Variants in BCL6 observed in about 807,000 individuals in gnomAD.
BCL6 encodes BCL6 transcription repressor.
Under a neutral mutation model 59.5 loss-of-function variants are expected in BCL6, and 7 were observed. That is an observed-to-expected ratio of 0.12 (90% CI 0.07 to 0.22). The LOEUF is 0.22. Ranked by LOEUF, BCL6 falls within the 10% of genes least tolerant of loss-of-function variation. The pLI is 1.00. For missense variants in BCL6, 685 were observed against 939.4 expected, an observed-to-expected ratio of 0.73 and a Z score of 3.54; for synonymous variants, 339 against 349.7, an observed-to-expected ratio of 0.97 and a Z score of 0.34.
rs577335216 is a variant in BCL6, at chr3:187,722,775, G to A, written c.1978-174C>T. 2.2e-4 allele frequency among the ~76,000 whole-genome samples: 33 copies of A among 152,334 alleles called. 1 individual carries two copies. Among genetic ancestry groups the A allele is most frequent in the Admixed American group, 1.2e-3 (19 of 15,302 alleles). On this transcript the variant is annotated intron_variant, in intron 9 of 9. Transcript: ENST00000406870. ...GGCTTCTGCCGACAGATAAGCTAGCGTTGTGCAAATGTCCGTTCCCTGCTT... is the reference window on the plus strand; with the variant it reads ...GGCTTCTGCCGACAGATAAGCTAGCATTGTGCAAATGTCCGTTCCCTGCTT...
chr3:187,725,091 G>T lies in BCL6; in HGVS notation c.1840-13C>A. On this transcript the variant is annotated splice_polypyrimidine_tract_variant and intron_variant, in intron 8 of 9. Transcript: ENST00000406870. The surrounding 1 kb of genome is among the most constrained non-coding windows in gnomAD (Gnocchi z 4.7). ...GGAGGTGGGCCACCTGAACGAAGAA[G>T]AAGGCATGAGAGGTCTTCTGGGGTG... 1 of 1,613,736 alleles carries T rather than the reference G, an allele frequency of 6.2e-7. No individual in the cohort carries two copies. Among genetic ancestry groups the T allele is most frequent in the Non-Finnish European group, 8.5e-7 (1 of 1,180,022 alleles).
Position 187,728,498 on chromosome 3 carries a change from G to C in BCL6, c.1402C>G (p.Leu468Val). 1.2e-6 allele frequency: 2 copies of C among 1,611,252 alleles called. No homozygotes were observed. Among genetic ancestry groups the C allele is most frequent in the African/African-American group, 1.3e-5 (1 of 74,812 alleles). ...PRSSSESHSP[L>V]YMHPPKCTSC... is the part of the protein sequence containing the mutation. ...GTGCACTTCGGGGGGTGCATGTAGA[G>C]TGGTGAGTGGCTCTCGCTGCTGCTG... Residue 468 changes from leucine (L) to valine (V), a missense_variant, in exon 6 of 10, where the codon CTC becomes GTC. By Grantham distance (32) the Leu-to-Val change is conservative. Transcript: ENST00000406870.
intron 1 of BCL6, among the ~76,000 whole-genome samples, chr3:187,744,890 C>T (rs529555357): frequency 4.6e-5 from 7 of 152,246 alleles, no homozygotes; most frequent in South Asian, 4.1e-4. Context: ...AAGCCGTACG[C>T]AAGCAGCAGC....
At chr3:187,723,634 A>G (rs1271917361) in intron 9 of BCL6, among the ~76,000 whole-genome samples, 1 of 152,252 alleles carries the variant, frequency 6.6e-6, no homozygotes, top group East Asian at 1.9e-4. Context: ...TTTTCAAGTG[A>G]AAATGGAAAT....
intron 1 of BCL6, among the ~76,000 whole-genome samples, chr3:187,745,107 C>G (rs1047415787): frequency 1.3e-5 from 2 of 152,108 alleles, no homozygotes; most frequent in Non-Finnish European, 2.9e-5. Context: ...CCGGCCGATT[C>G]ACTCAAAGAC....
Position 187,728,467 on chromosome 3 carries a change from C to G in BCL6, c.1433G>C (p.Cys478Ser), listed in dbSNP as rs775011229. 2 of 1,611,970 alleles carry G rather than the reference C, an allele frequency of 1.2e-6. No individual in the cohort carries two copies. The highest frequency in any genetic ancestry group is 8.5e-7 in the Non-Finnish European group (1 of 1,179,566). The change falls in exon 6 of 10, where the codon TGC becomes TCC. Residue 478 changes from cysteine to serine, a missense_variant. This residue lies in a region of BCL6 where 207 missense variants were observed against 213.7 expected (regional missense o/e 0.97). Coordinates refer to ENST00000406870, the MANE Select transcript of BCL6 (RefSeq NM_001706.5). ...LYMHPPKCTS[C>S]GSQSPQHAEM... Reference sequence around the variant, plus strand: ...TGCATGCTGTGGGGACTGAGAGCCGCAGGACGTGCACTTCGGGGGGTGCAT... The same window carrying G: ...TGCATGCTGTGGGGACTGAGAGCCGGAGGACGTGCACTTCGGGGGGTGCAT...
intron 1 of BCL6, among the ~76,000 whole-genome samples, chr3:187,735,548 T>C (rs1001580081): frequency 3.3e-5 from 5 of 152,196 alleles, no homozygotes; most frequent in Admixed American, 2.0e-4. Context: ...TGAAAACCTT[T>C]GTCTTCTTTT....
intron 1 of BCL6, among the ~76,000 whole-genome samples, chr3:187,744,439 G>T (rs560164916): frequency 6.6e-6 from 1 of 151,852 alleles, no homozygotes; most frequent in Admixed American, 6.5e-5. Flanking sequence ...AATTTTCAAA[G>T]TGTTCAACAT....
intron 7 of BCL6, among the ~76,000 whole-genome samples, chr3:187,726,270 T>C (rs1388999772): frequency 6.6e-6 from 1 of 152,162 alleles, no homozygotes; most frequent in African/African-American, 2.4e-5. Context: ...CATGGAAAGT[T>C]TTTGGGATAA....
chr3:187,739,242 G>A (rs147659061), intron 1 of BCL6, among the ~76,000 whole-genome samples: 1 of 152,352 alleles, frequency 6.6e-6, no homozygotes, highest in African/African-American at 2.4e-5. Context: ...ACAAGGACAA[G>A]GAATTTTAAT....
At chr3:187,739,275 A>G (rs1317281203) in intron 1 of BCL6, among the ~76,000 whole-genome samples, 1 of 152,172 alleles carries the variant, frequency 6.6e-6, no homozygotes, top group Non-Finnish European at 1.5e-5. Context: ...GCCGTAGTGA[A>G]CCCCGCATCA....
chr3:187,731,881 C>G lies in BCL6; in HGVS notation c.211G>C (p.Val71Leu). Residue 71 changes from valine (V) to leucine (L), a missense_variant, in exon 4 of 10, where the codon GTG becomes CTG. Around this residue, in one of 7 missense-constraint regions of BCL6, gnomAD observed 102 missense variants for 176.6 expected, o/e 0.58. Transcript: ENST00000406870. ...TTGATCTCAGGATCTAGATTGATCA[C>G]ACTAAGGTTGCATTTCAACTGGTCT... ...FTDQLKCNLS[V>L]INLDPEINPE... The G allele has an allele frequency of 6.2e-7, 1 of 1,614,152 alleles. No homozygotes were observed. The highest frequency in any genetic ancestry group is 2.2e-5 in the East Asian group (1 of 44,876).
chr3:187,723,578 T>C (rs1490170601), intron 9 of BCL6, among the ~76,000 whole-genome samples: 3 of 152,100 alleles, frequency 2.0e-5, no homozygotes, highest in Non-Finnish European at 4.4e-5. Context: ...TCTAAAACTA[T>C]CCTAAAACAA....
chr3:187,741,430 G>A (rs201165476), intron 1 of BCL6, among the ~76,000 whole-genome samples: 6 of 152,266 alleles, frequency 3.9e-5, no homozygotes, highest in Admixed American at 3.9e-4. Flanking sequence ...TGATCTTCTC[G>A]GAGGAAAGGG....
chr3:187,726,780 G>A lies in BCL6; in HGVS notation c.1659C>T (p.Ala553=). The change falls in exon 7 of 10, where the codon GCC becomes GCT. Residue 553 remains alanine, a synonymous_variant. Coordinates refer to ENST00000406870, the MANE Select transcript of BCL6 (RefSeq NM_001706.5). ...DKPYKCDRCQ[A]SFRYKGNLAS... ...CGAGGTTGCCCTTGTAGCGGAAGGA[G>A]GCCTGGCAGCGGTCACACTTGTAGG... 1.2e-6 allele frequency: 2 copies of A among 1,614,174 alleles called. No individual in the cohort carries two copies. Among genetic ancestry groups the A allele is most frequent in the Non-Finnish European group, 1.7e-6 (2 of 1,180,044 alleles).
chr3:187,728,388 G>A lies in BCL6; in HGVS notation c.1512C>T (p.Thr504=), dbSNP rs1455532476. 6.2e-7 allele frequency: 1 copy of A among 1,604,238 alleles called. No homozygotes were observed. The highest frequency in any genetic ancestry group is 1.3e-5 in the African/African-American group (1 of 74,782). The change falls in exon 6 of 10, where the codon ACC becomes ACT. Residue 504 remains threonine, a synonymous_variant. Coordinates refer to ENST00000406870, the MANE Select transcript of BCL6 (RefSeq NM_001706.5). ...GPTFPEEMGE[T]QSEYSDSSCE... ...AGCTAGAATCTGAGTACTCAGACTG[G>A]GTCTCTCCCATCTCCTCAGGGAACG...
chr3:187,740,925 G>A (rs1386922168), intron 1 of BCL6, among the ~76,000 whole-genome samples: 2 of 152,192 alleles, frequency 1.3e-5, no homozygotes, highest in African/African-American at 4.8e-5. Flanking sequence ...CATCCCCATT[G>A]GAGGGTGCCC....
At chr3:187,744,485 G>T (rs186373889) in intron 1 of BCL6, among the ~76,000 whole-genome samples, 1 of 152,102 alleles carries the variant, frequency 6.6e-6, no homozygotes, top group Admixed American at 6.5e-5. Context: ...CAGGGGCAGG[G>T]AACACCAAAA....
At chr3:187,724,252 A>T (rs1205612404) in intron 9 of BCL6, among the ~76,000 whole-genome samples, 1 of 152,144 alleles carries the variant, frequency 6.6e-6, no homozygotes, top group African/African-American at 2.4e-5. Context: ...ATGAAATTTA[A>T]ATTTCATATA....
Sources: gnomAD v4.1 joint callset for allele counts (sites outside exome capture counted in the v4.1 genomes callset) on GRCh38, gnomAD v4.1.1 for gene constraint, gnomAD v4.1.1 regional missense constraint, Gnocchi (gnomAD v3.1) non-coding constraint, MANE v1.5 for transcripts, NCBI Gene and HGNC (gene_info 2026-07-23, HGNC 2026-07-21) for gene names.